Variants in LIX1L observed in about 807,000 individuals in gnomAD.
LIX1L encodes limb and CNS expressed 1 like.
LIX1L carries 20 observed loss-of-function variants against 34.0 expected under a neutral mutation model. That is an observed-to-expected ratio of 0.59 (90% confidence interval 0.41 to 0.85). LIX1L has a LOEUF of 0.85. LIX1L is among the 40% of genes least tolerant of loss of function. The pLI, the probability that LIX1L is intolerant of heterozygous loss-of-function variation, is 0.00. For missense variants in LIX1L, 397 were observed against 447.0 expected, an observed-to-expected ratio of 0.89 and a Z score of 1.01; for synonymous variants, 170 against 187.4, an observed-to-expected ratio of 0.91 and a Z score of 0.76.
At chr1:145,956,679 A>AGG (rs1649483816) in intron 1 of LIX1L, among the ~76,000 whole-genome samples, 3 of 152,320 alleles carry the variant, frequency 2.0e-5, no homozygotes, top group African/African-American at 7.2e-5. Context: ...AGCAGACAGA[A>AGG]GGGATGTCTT....
At chr1:145,944,794 G>A (rs1162172465) in intron 2 of LIX1L, among the ~76,000 whole-genome samples, 2 of 152,122 alleles carry the variant, frequency 1.3e-5, no homozygotes, top group Admixed American at 6.5e-5. Context: ...TTGGAAGGCT[G>A]AGGTGAAAGG....
chr1:145,938,931 T>C (rs1648773206), intron 3 of LIX1L, among the ~76,000 whole-genome samples: 1 of 152,122 alleles, frequency 6.6e-6, no homozygotes, highest in South Asian at 2.1e-4. Context: ...CTAGAGATGA[T>C]TTAAAGCATT....
chr1:145,952,756 G>A (rs1275257385), intron 1 of LIX1L, among the ~76,000 whole-genome samples: 4 of 151,618 alleles, frequency 2.6e-5, no homozygotes, highest in African/African-American at 7.3e-5. Context: ...GATTACAGGC[G>A]CACGCCACCA....
At chr1:145,947,849 T>C in intron 1 of LIX1L, 67 bp from the exon 2 acceptor site, 1 of 1,425,712 alleles carries the variant, frequency 7.0e-7, no homozygotes. Context: ...TATACTTCAA[T>C]ACAGTACCTG....
intron 4 of LIX1L, 121 bp from the exon 5 acceptor site, chr1:145,937,106 G>C (rs1351796419): frequency 4.1e-6 from 2 of 483,634 alleles, no homozygotes; most frequent in Admixed American, 3.3e-5. Context: ...CACTAACTCT[G>C]ATAGGCCTTT....
At chr1:145,950,661 C>T (rs587621017) in intron 1 of LIX1L, among the ~76,000 whole-genome samples, 19 of 152,276 alleles carry the variant, frequency 1.2e-4, no homozygotes, top group African/African-American at 3.6e-4. Context: ...CCACCACGCC[C>T]GGCTGTAGTA....
At position 145,937,846 on chromosome 1, in the gene LIX1L, G is replaced by C. The variant is rs1342341805; in HGVS notation, c.598-147C>G. 32 of 611,474 alleles carry C rather than the reference G, an allele frequency of 5.2e-5. No homozygotes were observed. The Admixed American group carries it at 8.2e-4, about 16-fold the overall frequency. 37.9% of individuals were successfully genotyped at this position (611,474 alleles called of 1,614,324 possible). A position where few individuals can be genotyped will look rare whatever the true frequency, so the allele number is the denominator to read the frequency against. ...CATTAAAGTAAAAATAAAGAGGTAAGTCCAGGTGCAGTGGCTCATGCCTGT... is the reference window on the plus strand; with the variant it reads ...CATTAAAGTAAAAATAAAGAGGTAACTCCAGGTGCAGTGGCTCATGCCTGT... On this transcript the variant is annotated intron_variant, in intron 3 of 5. Coordinates refer to ENST00000604000, the MANE Select transcript of LIX1L (RefSeq NM_153713.3).
Position 145,936,524 on chromosome 1 carries a change from G to T in LIX1L, c.800C>A (p.Ala267Asp). 1 of 1,614,090 alleles carries T rather than the reference G, an allele frequency of 6.2e-7. No homozygotes were observed. Among genetic ancestry groups the T allele is most frequent in the Non-Finnish European group, 8.5e-7 (1 of 1,180,016 alleles). Residue 267 changes from alanine (A) to aspartate (D), a missense_variant, in exon 6 of 6, where the codon GCC becomes GAC. By Grantham distance (126) the Ala-to-Asp change is moderately radical (BLOSUM62 -2). Transcript: ENST00000604000. The part of the protein sequence containing the change: ...QEVLAHYSHR[A>D]LDDDIRHQMA... ...TTGGTGGCGAATATCATCATCCAGGGCCCGGTGCGAATAATGAGCCAACAC... is the reference window on the plus strand; with the variant it reads ...TTGGTGGCGAATATCATCATCCAGGTCCCGGTGCGAATAATGAGCCAACAC...
intron 2 of LIX1L, chr1:145,944,640 C>A (rs1360695601): frequency 6.6e-6 from 1 of 152,298 alleles, no homozygotes; most frequent in African/African-American, 2.4e-5. Context: ...TAAACTCAAA[C>A]CCATCTTGAA....
In LIX1L at chr1:145,936,889, C is replaced by CA; in HGVS notation, c.771+18dup. On this transcript the variant is annotated intron_variant, in intron 5 of 5. Transcript: ENST00000604000. ...AGATTGTGCTCCCCTCATTCGCCCCCACTCATAAAATCTCTTACCTGCCGA... is the reference window on the plus strand; with the variant it reads ...AGATTGTGCTCCCCTCATTCGCCCCCAACTCATAAAATCTCTTACCTGCCGA... 1 of 1,546,836 alleles carries CA rather than the reference C, an allele frequency of 6.5e-7. No homozygotes were observed. The highest frequency in any genetic ancestry group is 8.9e-7 in the Non-Finnish European group (1 of 1,118,690).
chr1:145,943,599 T>C (rs1649000019), intron 2 of LIX1L, among the ~76,000 whole-genome samples: 1 of 152,196 alleles, frequency 6.6e-6, no homozygotes, highest in African/African-American at 2.4e-5. Flanking sequence ...TCTGCAGAAG[T>C]CTCAAAATTA....
At chr1:145,943,806 C>G (rs1649007435) in intron 2 of LIX1L, among the ~76,000 whole-genome samples, 1 of 151,410 alleles carries the variant, frequency 6.6e-6, no homozygotes, top group South Asian at 2.1e-4. Flanking sequence ...GAGGCCAAGG[C>G]AGGAGGATCA....
chr1:145,947,853 G>A, intron 1 of LIX1L, 71 bp from the exon 2 acceptor site: 1 of 1,395,606 alleles, frequency 7.2e-7, no homozygotes, highest in Non-Finnish European at 1.0e-6. Context: ...CTTCAATACA[G>A]TACCTGTAAC....
Position 145,957,836 on chromosome 1 carries a change from G to T in LIX1L, c.92C>A (p.Ala31Asp), listed in dbSNP as rs1649545110. ...LRALRPGVTG[A>D]AAATATPPAG... ...AGGGGGTGTGGCGGTGGCGGCCGCG[G>T]CCCCAGTCACTCCGGGCCGCAGCGC... Residue 31 changes from alanine (A) to aspartate (D), a missense_variant, in exon 1 of 6, where the codon GCC (alanine) becomes GAC (aspartate). Transcript: ENST00000604000. The T allele has an allele frequency of 7.1e-7, 1 of 1,417,372 alleles. No homozygotes were observed. The highest frequency in any genetic ancestry group is 9.2e-7 in the Non-Finnish European group (1 of 1,086,952). 87.8% of individuals were successfully genotyped at this position (1,417,372 alleles called of 1,614,324 possible). A position where few individuals can be genotyped will look rare whatever the true frequency, so the allele number is the denominator to read the frequency against.
intron 3 of LIX1L, among the ~76,000 whole-genome samples, chr1:145,941,425 G>C (rs1648912381): frequency 6.6e-6 from 1 of 151,260 alleles, no homozygotes; most frequent in Non-Finnish European, 1.5e-5. Context: ...GCTAACTTTT[G>C]TATTTTTAGT....
intron 2 of LIX1L, among the ~76,000 whole-genome samples, chr1:145,943,265 A>G (rs782411161): frequency 6.6e-6 from 1 of 152,224 alleles, no homozygotes; most frequent in Non-Finnish European, 1.5e-5. Flanking sequence ...TCCTCTAGAT[A>G]ACCCAAGATT....
chr1:145,934,168 A>AT lies in LIX1L; in HGVS notation c.*2141dup, dbSNP rs1289044627. 1 of 145,930 alleles carries AT rather than the reference A, an allele frequency of 6.9e-6. No individual in the cohort carries two copies. The highest frequency in any genetic ancestry group is 1.5e-5 in the Non-Finnish European group (1 of 67,916). The allele number at this position is 145,930 out of a possible 1,614,324, so 9.0% of individuals were successfully genotyped here. A position where few individuals can be genotyped will look rare whatever the true frequency, so the allele number is the denominator to read the frequency against. Reference sequence around the variant, plus strand: ...GATCACAGAGACAAGGGGGAAATATATATTAGAGACCTCCAAAAAAATTCT... The same window carrying AT: ...GATCACAGAGACAAGGGGGAAATATATTATTAGAGACCTCCAAAAAAATTCT... On this transcript the variant is annotated 3_prime_UTR_variant, in exon 6 of 6. Coordinates refer to ENST00000604000, the MANE Select transcript of LIX1L (RefSeq NM_153713.3).
In LIX1L at chr1:145,948,723, A is replaced by G. The variant is rs1384124676; in HGVS notation, c.293-941T>C. 6.6e-6 allele frequency: 1 copy of G among 152,236 alleles called. No homozygotes were observed. The highest frequency in any genetic ancestry group is 1.5e-5 in the Non-Finnish European group (1 of 68,048). The allele number at this position is 152,236 out of a possible 1,614,324, so 9.4% of individuals were successfully genotyped here. On this transcript the variant is annotated intron_variant, in intron 1 of 5. Coordinates refer to ENST00000604000, the MANE Select transcript of LIX1L (RefSeq NM_153713.3). This position sits in a 1 kb window ranked among gnomAD's most constrained non-coding sequence, Gnocchi z 4.0. ...GGGTCGGTCTCTCATGCTCCTTCAC[A>G]TCTTGCTAGGTACACCAAGATTGCA...
At position 145,935,525 on chromosome 1, in the gene LIX1L, TTAAC is replaced by T. The variant is rs1270743693; in HGVS notation, c.*781_*784del. The T allele has an allele frequency of 6.6e-6, 1 of 152,494 alleles. No homozygotes were observed. Among genetic ancestry groups the T allele is most frequent in the African/African-American group, 2.4e-5 (1 of 41,502 alleles). The allele number at this position is 152,494 out of a possible 1,614,324, so 9.4% of individuals were successfully genotyped here. Reference sequence around the variant, plus strand: ...AGGCAGGAAGGTCCAAACGCAGGGTTTAACTAAGCTGGGGGAGTAGGGGAGATGT... The same window carrying T: ...AGGCAGGAAGGTCCAAACGCAGGGTTTAAGCTGGGGGAGTAGGGGAGATGT... On this transcript the variant is annotated 3_prime_UTR_variant, in exon 6 of 6. Coordinates refer to ENST00000604000, the MANE Select transcript of LIX1L (RefSeq NM_153713.3).
Sources: allele counts gnomAD v4.1 joint callset (sites outside exome capture counted in the v4.1 genomes callset), GRCh38; gene constraint gnomAD v4.1.1; non-coding constraint Gnocchi (gnomAD v3.1); transcripts MANE v1.5; gene names NCBI Gene and HGNC (gene_info 2026-07-23, HGNC 2026-07-21).